The following CADM2 variants were observed in gnomAD, a reference collection of about 807,000 sequenced individuals.
CADM2 encodes cell adhesion molecule 2, also known as immunoglobulin superfamily member 4D.
A neutral mutation model predicts 49.8 loss-of-function variants in CADM2; 12 were observed. The ratio of observed to expected loss-of-function variants is 0.24; its 90% CI spans 0.15 to 0.39. The LOEUF (loss-of-function observed/expected upper bound fraction) is 0.39. Ranked by LOEUF, CADM2 falls within the 10% of genes least tolerant of loss-of-function variation. The probability of loss-of-function intolerance (pLI) is 1.00; values close to 1 mark genes in which losing one functional copy is unlikely to be tolerated. For missense variants in CADM2, 378 were observed against 492.3 expected, an observed-to-expected ratio of 0.77 and a Z score of 2.20; for synonymous variants, 214 against 175.4, an observed-to-expected ratio of 1.22 and a Z score of -1.74.
chr3:85,138,978 AAC>A (rs1252830112), intron 1 of CADM2, among the ~76,000 whole-genome samples: 1 of 152,176 alleles, frequency 6.6e-6, no homozygotes, highest in Non-Finnish European at 1.5e-5. Flanking sequence ...CAGTGGAAGT[AAC>A]ACAGCACATT....
At chr3:85,924,416 C>G (rs776187947) in intron 6 of CADM2, among the ~76,000 whole-genome samples, 3 of 151,884 alleles carry the variant, frequency 2.0e-5, no homozygotes, top group Non-Finnish European at 4.4e-5. Context: ...ATGGAGGAAA[C>G]CACGTCTCTA....
chr3:85,337,929 C>A (rs2045133959), intron 1 of CADM2, among the ~76,000 whole-genome samples: 1 of 151,580 alleles, frequency 6.6e-6, no homozygotes, highest in Non-Finnish European at 1.5e-5. Context: ...ATATTAGTAT[C>A]CAGACTGTAT....
intron 1 of CADM2, among the ~76,000 whole-genome samples, chr3:85,087,830 C>A (rs896649698): frequency 4.6e-5 from 7 of 152,100 alleles, no homozygotes; most frequent in African/African-American, 1.7e-4. Context: ...TAAAGGAAGT[C>A]CAACCACAAA....
At chr3:84,971,998 G>T (rs1187095849) in intron 1 of CADM2, among the ~76,000 whole-genome samples, 1 of 152,086 alleles carries the variant, frequency 6.6e-6, no homozygotes, top group South Asian at 2.1e-4. Context: ...TGTAGTGAGG[G>T]TTCTTTATGC....
At chr3:85,205,895 T>C (rs2041619139) in intron 1 of CADM2, among the ~76,000 whole-genome samples, 1 of 152,126 alleles carries the variant, frequency 6.6e-6, no homozygotes, top group Non-Finnish European at 1.5e-5. Context: ...CCATAGTATA[T>C]AATTTTCTCT....
At chr3:85,389,877 C>T (rs1321629399) in intron 1 of CADM2, among the ~76,000 whole-genome samples, 1 of 152,048 alleles carries the variant, frequency 6.6e-6, no homozygotes, top group East Asian at 1.9e-4. Context: ...GTTATTTCTA[C>T]TCTTCCTATT....
intron 1 of CADM2, among the ~76,000 whole-genome samples, chr3:85,701,974 AG>A (rs765137607): frequency 0.3 from 20,875 of 69,370 alleles, 2,589 homozygotes; most frequent in African/African-American, 0.49. Flanking sequence ...AGATAGACAT[AG>A]ATAGATAGAT....
chr3:85,699,387 A>C (rs2066676065), intron 1 of CADM2, among the ~76,000 whole-genome samples: 1 of 152,036 alleles, frequency 6.6e-6, no homozygotes, highest in African/African-American at 2.4e-5. Context: ...TCCTCTCCAC[A>C]CTGCCCTAGT....
At chr3:85,949,142 T>G (rs2108580880) in intron 7 of CADM2, among the ~76,000 whole-genome samples, 1 of 151,564 alleles carries the variant, frequency 6.6e-6, no homozygotes, top group African/African-American at 2.4e-5. Context: ...TAGTGCAGTG[T>G]TTTTCAAATT....
At chr3:86,024,615 T>C (rs1422022949) in intron 8 of CADM2, among the ~76,000 whole-genome samples, 1 of 152,154 alleles carries the variant, frequency 6.6e-6, no homozygotes, top group Non-Finnish European at 1.5e-5. Context: ...GTTCTGTAAA[T>C]GATACATCTA....
chr3:85,449,082 A>AATAATAAT (rs1553724946), intron 1 of CADM2, among the ~76,000 whole-genome samples: 6,457 of 112,866 alleles, frequency 0.057, 208 homozygotes, highest in East Asian at 0.088. Flanking sequence ...ATAATGATAA[A>AATAATAAT]AATTATATAA....
At chr3:85,228,616 A>G (rs1296309609) in intron 1 of CADM2, among the ~76,000 whole-genome samples, 4 of 151,894 alleles carry the variant, frequency 2.6e-5, no homozygotes, top group Non-Finnish European at 5.9e-5. Context: ...GGCCCCCTCC[A>G]CACTGTGTTT....
At chr3:85,384,940 T>G (rs2034133962) in intron 1 of CADM2, among the ~76,000 whole-genome samples, 1 of 152,090 alleles carries the variant, frequency 6.6e-6, no homozygotes, top group South Asian at 2.1e-4. Context: ...ATTTATTTAT[T>G]TATTTATTTT....
intron 1 of CADM2, among the ~76,000 whole-genome samples, chr3:85,593,756 A>G (rs12638296): frequency 0.021 from 3,257 of 152,094 alleles, 138 homozygotes; most frequent in South Asian, 0.1. Flanking sequence ...TCTACATTAT[A>G]GGGTACTAAG....
intron 1 of CADM2, among the ~76,000 whole-genome samples, chr3:85,185,215 C>A (rs1438776419): frequency 6.6e-6 from 1 of 151,848 alleles, no homozygotes; most frequent in Non-Finnish European, 1.5e-5. Flanking sequence ...CAGTTCCCAG[C>A]AGCACTATGA....
intron 1 of CADM2, among the ~76,000 whole-genome samples, chr3:85,387,386 T>C (rs1321523202): frequency 6.6e-6 from 1 of 152,220 alleles, no homozygotes; most frequent in Non-Finnish European, 1.5e-5. Flanking sequence ...ACTTTCCTTC[T>C]TTTTGCTACC....
intron 8 of CADM2, among the ~76,000 whole-genome samples, chr3:86,000,500 A>T (rs1730045215): frequency 6.6e-6 from 1 of 152,268 alleles, no homozygotes; most frequent in South Asian, 2.1e-4. Context: ...AATCTTTAAA[A>T]TATATAGAGT....
chr3:85,991,109 G>A (rs1728724414), intron 8 of CADM2, among the ~76,000 whole-genome samples: 1 of 152,136 alleles, frequency 6.6e-6, no homozygotes, highest in South Asian at 2.1e-4. Context: ...GGGACTGGGA[G>A]TTAAGGCTAA....
At chr3:85,722,301 C>T (rs1469463043) in intron 1 of CADM2, among the ~76,000 whole-genome samples, 3 of 152,116 alleles carry the variant, frequency 2.0e-5, no homozygotes, top group African/African-American at 7.2e-5. Flanking sequence ...ATGGCAGTGG[C>T]TGCTCCACAT....
Sources: allele counts gnomAD v4.1 joint callset (sites outside exome capture counted in the v4.1 genomes callset), GRCh38; gene constraint gnomAD v4.1.1; transcripts MANE v1.5; gene names NCBI Gene and HGNC (gene_info 2026-07-23, HGNC 2026-07-21).